The following ICAM1 variants were observed in gnomAD, a reference collection of about 807,000 sequenced individuals.
ICAM1 encodes intercellular adhesion molecule 1.
Under a neutral mutation model 42.3 loss-of-function variants are expected in ICAM1, and 28 were observed. That is an observed-to-expected ratio of 0.66 (90% confidence interval 0.49 to 0.91). The LOEUF (loss-of-function observed/expected upper bound fraction) is 0.91, where lower values mean the gene tolerates loss of function less well. Ranked by LOEUF, ICAM1 falls within the 40% of genes least tolerant of loss-of-function variation. ICAM1 has a pLI of 0.00. For missense variants in ICAM1, 637 were observed against 688.6 expected (o/e 0.93, Z 0.84); for synonymous variants, 304 against 305.9 (o/e 0.99, Z 0.07).
chr19:10,283,927 C>A, intron 3 of ICAM1, 106 bp from the exon 4 acceptor site: 1 of 1,464,872 alleles, frequency 6.8e-7, no homozygotes, highest in Non-Finnish European at 9.3e-7. Context: ...ACCTAGGCTG[C>A]TGAGTGGCCC....
At position 10,284,960 on chromosome 19, in the gene ICAM1, G is replaced by A; in HGVS notation, c.1358G>A (p.Gly453Asp). The change falls in exon 6 of 7, where the codon GGC becomes GAC. Residue 453 changes from glycine (G) to aspartate (D), a missense_variant. Gly to Asp is a moderately conservative substitution (Grantham distance 94). Transcript: ENST00000264832. The surrounding 1 kb of genome is among the most constrained non-coding windows in gnomAD (Gnocchi z 5.4). ...ESVTVTRDLE[G>D]TYLCRARSTQ... ...GTGACTGTCACTCGAGATCTTGAGGGCACCTACCTCTGTCGGGCCAGGAGC... is the reference window on the plus strand; with the variant it reads ...GTGACTGTCACTCGAGATCTTGAGGACACCTACCTCTGTCGGGCCAGGAGC... The A allele has an allele frequency of 6.2e-7, 1 of 1,611,188 alleles. No homozygotes were observed. The highest frequency in any genetic ancestry group is 8.5e-7 in the Non-Finnish European group (1 of 1,178,128).
chr19:10,285,042 C>T lies in ICAM1; in HGVS notation c.1426+14C>T, dbSNP rs376547674. The T allele has an allele frequency of 6.7e-5, 108 of 1,613,484 alleles. No homozygotes were observed. In the African/African-American group the frequency reaches 8.9e-4, roughly 13 times the overall value. Reference sequence around the variant, plus strand: ...TGAATGTGCTCTGTGAGTGAGCCGGCGGGCAGAGCTGGGTGGGGGCAGGGG... The same window carrying T: ...TGAATGTGCTCTGTGAGTGAGCCGGTGGGCAGAGCTGGGTGGGGGCAGGGG... On this transcript the variant is annotated intron_variant, in intron 6 of 6. Transcript: ENST00000264832.
At chr19:10,274,013 CAAA>C (rs34434348) in intron 1 of ICAM1, among the ~76,000 whole-genome samples, 1 of 134,448 alleles carries the variant, frequency 7.4e-6, no homozygotes. Flanking sequence ...GACTCCATCT[CAAA>C]AAAAAAAAAA....
At position 10,275,101 on chromosome 19, in the gene ICAM1, C is replaced by G; in HGVS notation, c.331+73C>G. ...AGACGTGCAGGGGCACCTGCAGAGG[C>G]CTGGGGGAATCTTTGCCACTTGCTC... On this transcript the variant is annotated intron_variant, in intron 2 of 6. Transcript: ENST00000264832. 7.4e-6 allele frequency: 11 copies of G among 1,488,404 alleles called. No individual in the cohort carries two copies. In the South Asian group the frequency reaches 1.3e-4, roughly 18 times the overall value. The allele number at this position is 1,488,404 out of a possible 1,614,324, so 92.2% of individuals were successfully genotyped here.
chr19:10,281,081 G>C (rs571260008), intron 2 of ICAM1, among the ~76,000 whole-genome samples: 41 of 151,196 alleles, frequency 2.7e-4, no homozygotes, highest in East Asian at 1.6e-3. Context: ...CACCGTGTTA[G>C]CCAGGATGGT....
chr19:10,276,327 C>T (rs2040016403), intron 2 of ICAM1, among the ~76,000 whole-genome samples: 1 of 150,498 alleles, frequency 6.6e-6, no homozygotes, highest in African/African-American at 2.4e-5. Flanking sequence ...GGGCGGATCA[C>T]AAGGTCAGGA....
intron 1 of ICAM1, among the ~76,000 whole-genome samples, chr19:10,273,864 AT>A (rs1266440255): frequency 6.6e-6 from 1 of 151,264 alleles, no homozygotes; most frequent in African/African-American, 2.4e-5. Flanking sequence ...AAATACAAAA[AT>A]TAGCTGGGCG....
chr19:10,284,660 G>A lies in ICAM1; in HGVS notation c.1180+3G>A. ...GACCCGGGAGCTTCGTGTCCTGTGT[G>A]AGTGGGGCTGCTGGTCAATGGCCCC... is the stretch of plus-strand genomic sequence containing the variant. On this transcript the variant is annotated splice_donor_region_variant and intron_variant, in intron 5 of 6. Transcript: ENST00000264832. This position sits in a 1 kb window ranked among gnomAD's most constrained non-coding sequence, Gnocchi z 5.4. 1 of 1,613,764 alleles carries A rather than the reference G, an allele frequency of 6.2e-7. No individual in the cohort carries two copies. Among genetic ancestry groups the A allele is most frequent in the Non-Finnish European group, 8.5e-7 (1 of 1,179,746 alleles).
intron 2 of ICAM1, among the ~76,000 whole-genome samples, chr19:10,277,845 C>G (rs773334901): frequency 6.6e-6 from 1 of 152,094 alleles, no homozygotes; most frequent in Non-Finnish European, 1.5e-5. Flanking sequence ...AAAGAGTTAT[C>G]AAGGCCAAAA....
intron 2 of ICAM1, among the ~76,000 whole-genome samples, chr19:10,281,602 C>T (rs936900287): frequency 6.6e-6 from 1 of 152,080 alleles, no homozygotes; most frequent in African/African-American, 2.4e-5. Flanking sequence ...GTGAATTCTC[C>T]TACCTTTAAT....
In ICAM1 at chr19:10,285,404, G is replaced by A. The variant is rs889295108; in HGVS notation, c.*117G>A. ...CTACACCTACCGGCCCTGGGACGCC[G>A]GAGGACAGGGCATTGTCCTCAGTCA... On this transcript the variant is annotated 3_prime_UTR_variant, in exon 7 of 7. Transcript: ENST00000264832. 2.9e-5 allele frequency: 27 copies of A among 939,828 alleles called. No homozygotes were observed. Among genetic ancestry groups the A allele is most frequent in the East Asian group, 1.6e-4 (6 of 38,154 alleles). The allele number at this position is 939,828 out of a possible 1,614,324, so 58.2% of individuals were successfully genotyped here. A position where few individuals can be genotyped will look rare whatever the true frequency, so the allele number is the denominator to read the frequency against.
chr19:10,271,202 G>A lies in ICAM1; in HGVS notation c.43G>A (p.Val15Ile), dbSNP rs373461435. 2.2e-5 allele frequency: 36 copies of A among 1,613,310 alleles called. No individual in the cohort carries two copies. The highest frequency in any genetic ancestry group is 3.1e-5 in the Non-Finnish European group (36 of 1,179,884). The change falls in exon 1 of 7, where the codon GTC (valine) becomes ATC (isoleucine). Residue 15 changes from valine to isoleucine, a missense_variant. Transcript: ENST00000264832. ...SPRPALPALLVLLGALFPGPG... is the reference protein window; with the variant it reads ...SPRPALPALLILLGALFPGPG... ...CCGGCCCGCGCTGCCCGCACTCCTGGTCCTGCTCGGGGCTCTGTTCCCAGG... is the reference window on the plus strand; with the variant it reads ...CCGGCCCGCGCTGCCCGCACTCCTGATCCTGCTCGGGGCTCTGTTCCCAGG...
At position 10,284,190 on chromosome 19, in the gene ICAM1, T is replaced by C; in HGVS notation, c.795T>C (p.Tyr265=). ...AGAGGTTGAACCCCACAGTCACCTATGGCAACGACTCCTTCTCGGCCAAGG... is the reference window on the plus strand; with the variant it reads ...AGAGGTTGAACCCCACAGTCACCTACGGCAACGACTCCTTCTCGGCCAAGG... ...GDQRLNPTVT[Y]GNDSFSAKAS... Residue 265 remains tyrosine (Y), a synonymous_variant, in exon 4 of 7, where the codon TAT becomes TAC. Transcript: ENST00000264832. The surrounding 1 kb of genome is among the most constrained non-coding windows in gnomAD (Gnocchi z 5.4). 6.2e-7 allele frequency: 1 copy of C among 1,614,022 alleles called. No homozygotes were observed. The highest frequency in any genetic ancestry group is 8.5e-7 in the Non-Finnish European group (1 of 1,180,010).
At chr19:10,275,182 C>T (rs1033068109) in intron 2 of ICAM1, among the ~76,000 whole-genome samples, 154 bp downstream of exon 2, 10 of 152,176 alleles carry the variant, frequency 6.6e-5, no homozygotes, top group Non-Finnish European at 1.3e-4. Flanking sequence ...TGGAAAGTCC[C>T]TTTGTGAATT....
chr19:10,284,608 G>A lies in ICAM1; in HGVS notation c.1131G>A (p.Val377=), dbSNP rs150014298. 63 of 1,614,154 alleles carry A rather than the reference G, an allele frequency of 3.9e-5. No homozygotes were observed. The African/African-American group carries it at 7.5e-4, about 19-fold the overall frequency. The change falls in exon 5 of 7, where the codon GTG becomes GTA. Residue 377 remains valine (V), a synonymous_variant. Transcript: ENST00000264832. This position sits in a 1 kb window ranked among gnomAD's most constrained non-coding sequence, Gnocchi z 5.4. ...RSFSCSATLE[V]AGQLIHKNQT... ...TCTCCTGCTCTGCAACCCTGGAGGT[G>A]GCCGGCCAGCTTATACACAAGAACC...
chr19:10,284,349 T>C lies in ICAM1; in HGVS notation c.925+29T>C. Reference sequence around the variant, plus strand: ...AGAAGGGGCAGGGGCGGAGTGGGGCTTCTTGGGGGTGTGACCTGAACCCGG... The same window carrying C: ...AGAAGGGGCAGGGGCGGAGTGGGGCCTCTTGGGGGTGTGACCTGAACCCGG... On this transcript the variant is annotated intron_variant, in intron 4 of 6. Transcript: ENST00000264832. The surrounding 1 kb of genome is among the most constrained non-coding windows in gnomAD (Gnocchi z 5.4). The C allele has an allele frequency of 6.2e-7, 1 of 1,611,570 alleles. No homozygotes were observed. Among genetic ancestry groups the C allele is most frequent in the Middle Eastern group, 1.7e-4 (1 of 6,058 alleles).
intron 2 of ICAM1, among the ~76,000 whole-genome samples, chr19:10,278,146 G>A (rs556616041): frequency 3.9e-5 from 6 of 152,284 alleles, no homozygotes; most frequent in Non-Finnish European, 7.4e-5. Context: ...GTAGTGAGCC[G>A]TGATGACACC....
At chr19:10,272,724 C>G (rs780684342) in intron 1 of ICAM1, among the ~76,000 whole-genome samples, 13 of 151,992 alleles carry the variant, frequency 8.6e-5, no homozygotes, top group Non-Finnish European at 1.9e-4. Flanking sequence ...TGCCATCACA[C>G]CCGGCTAATC....
intron 2 of ICAM1, among the ~76,000 whole-genome samples, chr19:10,278,624 C>G (rs1194603309): frequency 7.2e-6 from 1 of 137,932 alleles, no homozygotes; most frequent in Non-Finnish European, 1.5e-5. Flanking sequence ...TCACTGCAAC[C>G]TCCATCTCCC....
Sources: gnomAD v4.1 joint callset for allele counts (sites outside exome capture counted in the v4.1 genomes callset) on GRCh38, gnomAD v4.1.1 for gene constraint, Gnocchi (gnomAD v3.1) non-coding constraint, MANE v1.5 for transcripts, NCBI Gene and HGNC (gene_info 2026-07-23, HGNC 2026-07-21) for gene names.